The following MEF2C variants were observed in gnomAD, a reference collection of about 807,000 sequenced individuals.
MEF2C encodes myocyte enhancer factor 2C, also known as myocyte-specific enhancer factor 2C.
A neutral mutation model predicts 50.5 loss-of-function variants in MEF2C; 6 were observed. The ratio of observed to expected loss-of-function variants is 0.12; its 90% confidence interval spans 0.07 to 0.23. MEF2C has a LOEUF of 0.23. Ranked by LOEUF, MEF2C falls within the 10% of genes least tolerant of loss-of-function variation. The pLI is 1.00. For missense variants in MEF2C, 276 were observed against 605.0 expected (o/e 0.46, Z 5.70); for synonymous variants, 183 against 228.0 (o/e 0.80, Z 1.78).
In MEF2C at chr5:88,729,389, A is replaced by T. The variant is rs968846743; in HGVS notation, c.835-42T>A. On this transcript the variant is annotated intron_variant, in intron 8 of 10. Transcript: ENST00000504921. Reference sequence around the variant, plus strand: ...AAAGACATTACTGATGAATTTTTTTAAAAGTTAAAAATATTAGATTTCAGT... The same window carrying T: ...AAAGACATTACTGATGAATTTTTTTTAAAGTTAAAAATATTAGATTTCAGT... 13 of 1,504,974 alleles carry T rather than the reference A, an allele frequency of 8.6e-6. No homozygotes were observed. The African/African-American group carries it at 1.5e-4, about 18-fold the overall frequency. 93.2% of individuals were successfully genotyped at this position (1,504,974 alleles called of 1,614,324 possible).
At chr5:88,750,207 A>ATTTT in intron 5 of MEF2C, 1 of 384,144 alleles carries the variant, frequency 2.6e-6, no homozygotes, top group Non-Finnish European at 3.5e-6. Flanking sequence ...TATATACACG[A>ATTTT]TTTTTTTTTT....
At chr5:88,848,919 G>A (rs937615112) in intron 1 of MEF2C, among the ~76,000 whole-genome samples, 2 of 151,984 alleles carry the variant, frequency 1.3e-5, no homozygotes, top group Non-Finnish European at 2.9e-5. Flanking sequence ...TTGGGATGCC[G>A]AGGCAGGTGG....
chr5:88,743,128 T>C, intron 6 of MEF2C: 1 of 936,390 alleles, frequency 1.1e-6, no homozygotes, highest in African/African-American at 1.8e-5. Context: ...CATTTGCTGC[T>C]TAATAATATT....
intron 3 of MEF2C, among the ~76,000 whole-genome samples, chr5:88,789,494 A>G (rs1010350332): frequency 6.6e-6 from 1 of 151,932 alleles, no homozygotes; most frequent in Non-Finnish European, 1.5e-5. Flanking sequence ...TAATGTGAGG[A>G]AAAAACCCAA....
intron 1 of MEF2C, among the ~76,000 whole-genome samples, chr5:88,851,368 A>C (rs538398386): frequency 3.3e-5 from 5 of 152,312 alleles, no homozygotes; most frequent in African/African-American, 1.2e-4. Context: ...TGGAGAGCCA[A>C]AAGTTATATA....
At chr5:88,877,693 A>G (rs1047184975) in intron 1 of MEF2C, among the ~76,000 whole-genome samples, 1 of 152,046 alleles carries the variant, frequency 6.6e-6, no homozygotes, top group African/African-American at 2.4e-5. Flanking sequence ...GTAAAATAAC[A>G]TGGTTACTAA....
chr5:88,769,495 A>C (rs1452664661), intron 3 of MEF2C, among the ~76,000 whole-genome samples: 1 of 152,224 alleles, frequency 6.6e-6, no homozygotes, highest in Admixed American at 6.5e-5. Context: ...GAGATGGGGA[A>C]GTCTGGCACA....
intron 2 of MEF2C, among the ~76,000 whole-genome samples, chr5:88,806,076 T>G (rs1800325633): frequency 1.3e-5 from 2 of 152,148 alleles, no homozygotes; most frequent in Non-Finnish European, 2.9e-5. Flanking sequence ...AACCTATTGC[T>G]GACATATCGT....
At chr5:88,773,051 A>C in intron 3 of MEF2C, 4 of 422,200 alleles carry the variant, frequency 9.5e-6, no homozygotes, top group Non-Finnish European at 1.3e-5. Flanking sequence ...GGAACACAAT[A>C]CGTAAGTCAC....
At chr5:88,742,517 G>A in intron 6 of MEF2C, 1 of 979,934 alleles carries the variant, frequency 1.0e-6, no homozygotes. Flanking sequence ...TAGAAGGATA[G>A]AGAATAAAAA....
intron 1 of MEF2C, among the ~76,000 whole-genome samples, chr5:88,857,066 G>A (rs919649425): frequency 1.3e-5 from 2 of 152,188 alleles, no homozygotes; most frequent in African/African-American, 2.4e-5. Flanking sequence ...GGGCTGGGGG[G>A]CTATACCCTG....
intron 6 of MEF2C, chr5:88,736,832 T>G: frequency 1.0e-6 from 1 of 985,408 alleles, no homozygotes; most frequent in Non-Finnish European, 1.2e-6. Flanking sequence ...GCCTGCCTTA[T>G]GGTCCTCGGA....
At chr5:88,734,176 G>T (rs1184248199) in intron 6 of MEF2C, 2 of 984,808 alleles carry the variant, frequency 2.0e-6, no homozygotes, top group African/African-American at 1.7e-5. Flanking sequence ...TAGATTCTAC[G>T]GGATAAAAAG....
upstream of MEF2C, among the ~76,000 whole-genome samples, chr5:88,885,122 AC>A (rs1269651046): frequency 6.6e-6 from 1 of 152,230 alleles, no homozygotes; most frequent in East Asian, 1.9e-4. Flanking sequence ...TTTTAGCACT[AC>A]GTTTAACCCA....
intron 10 of MEF2C, 141 bp from the exon 11 acceptor site, chr5:88,723,066 A>AT: frequency 2.6e-6 from 2 of 761,530 alleles, no homozygotes; most frequent in Non-Finnish European, 4.1e-6. Flanking sequence ...TTGGAAGCAC[A>AT]TAAGGGCATC....
At chr5:88,839,707 T>C (rs1166558042) in intron 1 of MEF2C, 2 of 152,184 alleles carry the variant, frequency 1.3e-5, no homozygotes, top group African/African-American at 2.4e-5. Context: ...CATACCAAAT[T>C]ATTATTTGGT....
chr5:88,830,179 G>C (rs767710539), intron 1 of MEF2C, among the ~76,000 whole-genome samples: 7 of 151,998 alleles, frequency 4.6e-5, no homozygotes, highest in Non-Finnish European at 8.8e-5. Context: ...AGCTACGGAA[G>C]AGCTTCAGGC....
At chr5:88,831,367 C>T (rs1401307686) in intron 1 of MEF2C, among the ~76,000 whole-genome samples, 3 of 151,598 alleles carry the variant, frequency 2.0e-5, no homozygotes, top group Non-Finnish European at 4.4e-5. Flanking sequence ...GGTGTGAATG[C>T]CTAAAAGGAC....
chr5:88,794,406 C>CT (rs1373337811), intron 3 of MEF2C, among the ~76,000 whole-genome samples: 3 of 152,262 alleles, frequency 2.0e-5, no homozygotes, highest in Admixed American at 2.0e-4. Context: ...TGATGATTAG[C>CT]TTTTTTTCAT....
Sources: allele counts gnomAD v4.1 joint callset (sites outside exome capture counted in the v4.1 genomes callset), GRCh38; gene constraint gnomAD v4.1.1; transcripts MANE v1.5; gene names NCBI Gene and HGNC (gene_info 2026-07-23, HGNC 2026-07-21).